Variants in AFF1 observed in about 807,000 individuals in gnomAD.
AFF1 encodes the protein ALF transcription elongation factor 1.
AFF1 carries 48 observed loss-of-function variants against 121.7 expected under a neutral mutation model. That is an observed-to-expected ratio of 0.39 (90% CI 0.31 to 0.50). The LOEUF (loss-of-function observed/expected upper bound fraction) is 0.50, where lower values mean the gene tolerates loss of function less well. AFF1 is among the 20% of genes least tolerant of loss of function. AFF1 has a pLI of 0.76. For synonymous variants in AFF1, 613 were observed against 563.0 expected (o/e 1.09, Z -1.26); for missense variants, 1,523 against 1,511.7 (o/e 1.01, Z -0.12).
intron 2 of AFF1, among the ~76,000 whole-genome samples, chr4:86,978,304 C>A (rs1017393387): frequency 6.7e-6 from 1 of 148,910 alleles, no homozygotes; most frequent in East Asian, 2.0e-4. Flanking sequence ...CTGCCTCAGC[C>A]TCCCGAAGAG....
At chr4:87,048,485 TA>T (rs1468663965) in intron 4 of AFF1, among the ~76,000 whole-genome samples, 1 of 152,258 alleles carries the variant, frequency 6.6e-6, no homozygotes, top group African/African-American at 2.4e-5. Flanking sequence ...AAGGGAATTT[TA>T]AAACTTATCT....
intron 1 of AFF1, among the ~76,000 whole-genome samples, chr4:86,941,525 G>A (rs1232872250): frequency 1.3e-5 from 2 of 152,096 alleles, no homozygotes. Context: ...CGGCGTGGTA[G>A]CACATGCCTG....
chr4:87,010,605 T>G (rs1250370590), intron 2 of AFF1, among the ~76,000 whole-genome samples: 1 of 152,184 alleles, frequency 6.6e-6, no homozygotes, highest in Non-Finnish European at 1.5e-5. Context: ...CCTAACAGTT[T>G]ATAGACATAT....
chr4:87,011,503 T>A (rs1383905002), intron 2 of AFF1, among the ~76,000 whole-genome samples: 1 of 152,156 alleles, frequency 6.6e-6, no homozygotes, highest in Non-Finnish European at 1.5e-5. Context: ...CGTCTCTGAT[T>A]TTTGAGCTAG....
chr4:86,995,718 T>A (rs1163272289), intron 2 of AFF1, among the ~76,000 whole-genome samples: 2 of 151,940 alleles, frequency 1.3e-5, no homozygotes, highest in East Asian at 3.9e-4. Flanking sequence ...GATTGCAGCC[T>A]CTGCCCGGCC....
chr4:87,131,729 A>G (rs1317748501), intron 17 of AFF1, 64 bp from the exon 18 acceptor site: 1 of 1,304,072 alleles, frequency 7.7e-7, no homozygotes, highest in Non-Finnish European at 1.1e-6. Flanking sequence ...GGAAACAAGC[A>G]TAGTAAGTTG....
At chr4:87,107,348 T>G (rs906098998) in intron 10 of AFF1, among the ~76,000 whole-genome samples, 7 of 152,194 alleles carry the variant, frequency 4.6e-5, no homozygotes, top group Non-Finnish European at 1.0e-4. Context: ...GCTTTGAAAT[T>G]ATATATGTGT....
At chr4:86,970,943 CA>C (rs1722897659) in intron 2 of AFF1, among the ~76,000 whole-genome samples, 1 of 152,080 alleles carries the variant, frequency 6.6e-6, no homozygotes, top group Non-Finnish European at 1.5e-5. Flanking sequence ...GGCAGGAGGC[CA>C]GATTGTGGAG....
At chr4:86,983,317 C>T (rs545263675) in intron 2 of AFF1, among the ~76,000 whole-genome samples, 10 of 151,998 alleles carry the variant, frequency 6.6e-5, no homozygotes, top group Admixed American at 2.0e-4. Flanking sequence ...CACCTGAGGT[C>T]GGAGTTTGAG....
intron 4 of AFF1, among the ~76,000 whole-genome samples, chr4:87,061,408 A>G (rs1448364896): frequency 2.0e-5 from 3 of 152,230 alleles, no homozygotes; most frequent in Admixed American, 6.5e-5. Context: ...CTTCTCTTAA[A>G]AATGAATGCA....
At chr4:86,949,186 T>A (rs1412254560) in intron 2 of AFF1, among the ~76,000 whole-genome samples, 15 of 149,702 alleles carry the variant, frequency 1.0e-4, no homozygotes, top group African/African-American at 3.2e-4. Flanking sequence ...ATATATTTTT[T>A]TTTTTTGAGA....
At chr4:87,060,877 A>G (rs1355607748) in intron 4 of AFF1, among the ~76,000 whole-genome samples, 1 of 144,908 alleles carries the variant, frequency 6.9e-6, no homozygotes, top group African/African-American at 2.6e-5. Flanking sequence ...ACACAAAAAA[A>G]CAACAACAAA....
chr4:86,998,949 G>A (rs1355746581), intron 2 of AFF1, among the ~76,000 whole-genome samples: 1 of 152,184 alleles, frequency 6.6e-6, no homozygotes, highest in African/African-American at 2.4e-5. Flanking sequence ...TTGGATGATT[G>A]GTGATTGGCT....
rs376967577 is a variant in AFF1 at position 87,132,425 on chromosome 4, T to C, written c.3311+17T>C. ...CATTGCAAGGTAACTCTAAGTCTAA[T>C]ATAAATAATTTCCAGAATTGAGTCA... is the stretch of plus-strand genomic sequence containing the variant. On this transcript the variant is annotated intron_variant, in intron 19 of 20. Transcript: ENST00000395146. 4.4e-6 allele frequency: 7 copies of C among 1,581,110 alleles called. No individual in the cohort carries two copies. The African/African-American group carries it at 9.6e-5, about 22-fold the overall frequency.
intron 2 of AFF1, among the ~76,000 whole-genome samples, chr4:87,033,653 CTT>C (rs1017844839): frequency 1.3e-5 from 2 of 152,062 alleles, no homozygotes; most frequent in Admixed American, 1.3e-4. Context: ...GAAGAGGTGC[CTT>C]TTAAAATCAC....
chr4:87,062,098 G>A (rs139884393), intron 4 of AFF1, among the ~76,000 whole-genome samples: 1 of 152,208 alleles, frequency 6.6e-6, no homozygotes, highest in African/African-American at 2.4e-5. Flanking sequence ...CCTTGTTTTA[G>A]TTTTCCTGTA....
intron 11 of AFF1, among the ~76,000 whole-genome samples, chr4:87,110,802 A>G (rs1726421469): frequency 6.6e-6 from 1 of 152,118 alleles, no homozygotes; most frequent in African/African-American, 2.4e-5. Flanking sequence ...AATAAAAAAT[A>G]ATTATATCCT....
At chr4:86,985,100 T>C (rs1382677105) in intron 2 of AFF1, among the ~76,000 whole-genome samples, 2 of 145,950 alleles carry the variant, frequency 1.4e-5, no homozygotes, top group African/African-American at 5.0e-5. Context: ...TAACATGTTT[T>C]ATAAATACAA....
At chr4:86,941,613 T>C (rs972253949) in intron 1 of AFF1, among the ~76,000 whole-genome samples, 33 of 151,940 alleles carry the variant, frequency 2.2e-4, no homozygotes, top group Non-Finnish European at 4.0e-4. Flanking sequence ...GATTGTGCCA[T>C]TGCACTCCAG....
Sources: gnomAD v4.1 joint callset for allele counts (sites outside exome capture counted in the v4.1 genomes callset) on GRCh38, gnomAD v4.1.1 for gene constraint, MANE v1.5 for transcripts, NCBI Gene and HGNC (gene_info 2026-07-23, HGNC 2026-07-21) for gene names.